The following SPIDR variants were observed in gnomAD, a reference collection of about 807,000 sequenced individuals.
The protein encoded by SPIDR is scaffold protein involved in DNA repair.
A neutral mutation model predicts 104.6 loss-of-function variants in SPIDR; 93 were observed. That is an observed-to-expected ratio of 0.89 (90% CI 0.75 to 1.06). The LOEUF (loss-of-function observed/expected upper bound fraction) is 1.06, where lower values mean the gene tolerates loss of function less well. SPIDR is among the 50% of genes least tolerant of loss of function. The pLI, the probability that SPIDR is intolerant of heterozygous loss-of-function variation, is 0.00. For missense variants in SPIDR, 1,154 were observed against 1,111.2 expected (o/e 1.04, Z -0.55); for synonymous variants, 431 against 416.9 (o/e 1.03, Z -0.41).
At chr8:47,512,297 C>T (rs1268922632) in intron 8 of SPIDR, among the ~76,000 whole-genome samples, 1 of 152,076 alleles carries the variant, frequency 6.6e-6, no homozygotes, top group Non-Finnish European at 1.5e-5. Flanking sequence ...GAAACCCAAA[C>T]TCTTGTGTTG....
intron 10 of SPIDR, chr8:47,660,551 T>G: frequency 1.0e-6 from 1 of 982,660 alleles, no homozygotes; most frequent in African/African-American, 1.7e-5. Flanking sequence ...TGGAACCACT[T>G]TCTGACTGCT....
At chr8:47,519,367 A>G (rs1164010346) in intron 8 of SPIDR, among the ~76,000 whole-genome samples, 1 of 151,960 alleles carries the variant, frequency 6.6e-6, no homozygotes, top group Non-Finnish European at 1.5e-5. Context: ...TTGGTCTCAA[A>G]CTCCTGACCT....
At position 47,673,890 on chromosome 8, in the gene SPIDR, A is replaced by G. The variant is rs747797795; in HGVS notation, c.1634A>G (p.Lys545Arg). The G allele has an allele frequency of 1.1e-5, 17 of 1,614,068 alleles. No individual in the cohort carries two copies. The highest frequency in any genetic ancestry group is 1.4e-5 in the Non-Finnish European group (16 of 1,180,034). Residue 545 changes from lysine to arginine, a missense_variant, in exon 11 of 20, where the codon AAG becomes AGG. Lys to Arg is a conservative substitution (Grantham distance 26, BLOSUM62 2). Transcript: ENST00000297423. The stretch of plus-strand genomic sequence containing the variant: ...TCGAAGGCAAGACAGTTGGAAGGGA[A>G]GTCTTGCAGCCTGGTGGGAATGAAG... Reference protein sequence around the residue: ...TMSKARQLEGKSCSLVGMKVL... With the variant: ...TMSKARQLEGRSCSLVGMKVL...
At chr8:47,638,853 A>G (rs2068380206) in intron 10 of SPIDR, among the ~76,000 whole-genome samples, 2 of 152,298 alleles carry the variant, frequency 1.3e-5, no homozygotes, top group South Asian at 2.1e-4. Context: ...ACATGCCAGC[A>G]TTATCACATA....
chr8:47,615,373 A>G (rs2064153125), intron 10 of SPIDR, among the ~76,000 whole-genome samples: 1 of 151,702 alleles, frequency 6.6e-6, no homozygotes, highest in Admixed American at 6.6e-5. Flanking sequence ...TAGCCTGTGT[A>G]TGCATTTAGG....
intron 8 of SPIDR, among the ~76,000 whole-genome samples, chr8:47,488,809 T>C (rs571711444): frequency 6.6e-6 from 1 of 152,292 alleles, no homozygotes; most frequent in East Asian, 1.9e-4. Flanking sequence ...CAGCCCTTCA[T>C]GCTAAAAACT....
intron 5 of SPIDR, among the ~76,000 whole-genome samples, chr8:47,360,270 A>AG (rs2055570837): frequency 1.3e-5 from 2 of 150,554 alleles, no homozygotes; most frequent in Admixed American, 1.3e-4. Context: ...AAAAAAAAAA[A>AG]AGAAATAGAG....
chr8:47,617,510 A>G (rs983110067), intron 10 of SPIDR, among the ~76,000 whole-genome samples: 1 of 152,236 alleles, frequency 6.6e-6, no homozygotes, highest in African/African-American at 2.4e-5. Context: ...TCCATTCATC[A>G]GTTTATGGAC....
At chr8:47,389,586 G>A (rs568068917) in intron 5 of SPIDR, among the ~76,000 whole-genome samples, 2 of 151,538 alleles carry the variant, frequency 1.3e-5, no homozygotes, top group South Asian at 2.1e-4. Context: ...CTATTCAGGA[G>A]GCTGAGGCAG....
chr8:47,655,271 C>G (rs200892566), intron 10 of SPIDR, among the ~76,000 whole-genome samples: 1 of 152,114 alleles, frequency 6.6e-6, no homozygotes, highest in Non-Finnish European at 1.5e-5. Context: ...CAAATGGTAT[C>G]TCTAGTTCTA....
At position 47,735,511 on chromosome 8, in the gene SPIDR, G is replaced by A; in HGVS notation, c.*61G>A. ...CTGCAAGGGTGGTGGTGGTGGTGGTGATTTGGGGTAGTTATTTGTTAACTA... is the reference window on the plus strand; with the variant it reads ...CTGCAAGGGTGGTGGTGGTGGTGGTAATTTGGGGTAGTTATTTGTTAACTA... On this transcript the variant is annotated 3_prime_UTR_variant, in exon 20 of 20. Transcript: ENST00000297423. 1 of 1,611,574 alleles carries A rather than the reference G, an allele frequency of 6.2e-7. No individual in the cohort carries two copies. Among genetic ancestry groups the A allele is most frequent in the Non-Finnish European group, 8.5e-7 (1 of 1,178,846 alleles).
intron 11 of SPIDR, among the ~76,000 whole-genome samples, chr8:47,696,920 C>G (rs1295867150): frequency 6.6e-6 from 1 of 152,192 alleles, no homozygotes; most frequent in Non-Finnish European, 1.5e-5. Flanking sequence ...TGCACATCAC[C>G]TGCAGCATCA....
chr8:47,290,138 CA>C (rs1433893934), intron 3 of SPIDR, among the ~76,000 whole-genome samples: 1 of 152,114 alleles, frequency 6.6e-6, no homozygotes, highest in African/African-American at 2.4e-5. Context: ...CTCCTGGGTT[CA>C]AGCGATTCTC....
At chr8:47,637,403 C>G (rs2068106012) in intron 10 of SPIDR, among the ~76,000 whole-genome samples, 1 of 152,160 alleles carries the variant, frequency 6.6e-6, no homozygotes, top group Non-Finnish European at 1.5e-5. Context: ...AATCCCTTCT[C>G]TACTAAAAAT....
intron 8 of SPIDR, among the ~76,000 whole-genome samples, chr8:47,491,767 T>G (rs1251275893): frequency 2.0e-5 from 3 of 152,044 alleles, no homozygotes; most frequent in Non-Finnish European, 4.4e-5. Context: ...GGAAGATAGT[T>G]TGAGCCCATG....
intron 5 of SPIDR, among the ~76,000 whole-genome samples, chr8:47,322,611 T>A (rs1391742758): frequency 2.0e-5 from 3 of 152,188 alleles, no homozygotes; most frequent in African/African-American, 7.2e-5. Context: ...GGATTATAAA[T>A]CATGCTGCTA....
chr8:47,458,288 A>G (rs1456533470), intron 8 of SPIDR, among the ~76,000 whole-genome samples: 1 of 150,764 alleles, frequency 6.6e-6, no homozygotes, highest in Admixed American at 6.7e-5. Context: ...TTCCTTGCAG[A>G]GGCCTTTTAC....
At chr8:47,432,092 ATACTT>A (rs2067462271) in intron 7 of SPIDR, among the ~76,000 whole-genome samples, 1 of 152,216 alleles carries the variant, frequency 6.6e-6, no homozygotes, top group African/African-American at 2.4e-5. Context: ...AACACAATCA[ATACTT>A]TAACAGGTAT....
intron 10 of SPIDR, among the ~76,000 whole-genome samples, chr8:47,617,236 T>C (rs1490571994): frequency 1.3e-5 from 2 of 152,204 alleles, no homozygotes; most frequent in Non-Finnish European, 2.9e-5. Flanking sequence ...AATTAAGCTA[T>C]TTTTAAACTC....
Sources: gnomAD v4.1 joint callset for allele counts (sites outside exome capture counted in the v4.1 genomes callset) on GRCh38, gnomAD v4.1.1 for gene constraint, MANE v1.5 for transcripts, NCBI Gene and HGNC (gene_info 2026-07-23, HGNC 2026-07-21) for gene names.